The following MUC6 variants were observed in gnomAD, a reference collection of about 807,000 sequenced individuals.
MUC6 encodes the protein mucin-6.
Under a neutral mutation model 201.5 loss-of-function variants are expected in MUC6, and 188 were observed. The observed-to-expected ratio is 0.93, with a 90% CI of 0.83 to 1.05. MUC6 has a LOEUF of 1.05. Ranked by LOEUF, MUC6 falls within the 50% of genes least tolerant of loss-of-function variation. The pLI is 0.00. For missense variants in MUC6, 2,706 were observed against 3,256.9 expected (o/e 0.83, Z 4.12); for synonymous variants, 1,228 against 1,389.4 (o/e 0.88, Z 2.58).
intron 19 of MUC6, 55 bp from the exon 20 acceptor site, chr11:1,026,533 C>G: frequency 6.7e-7 from 1 of 1,494,790 alleles, no homozygotes; most frequent in Non-Finnish European, 8.9e-7. Flanking sequence ...CAGCTGCTGC[C>G]CAGCCCTGGG....
chr11:1,031,891 C>G lies in MUC6; in HGVS notation c.278G>C (p.Ser93Thr), dbSNP rs371239430. The change falls in exon 3 of 33, where the codon AGC (serine) becomes ACC (threonine). Residue 93 changes from serine (S) to threonine (T), a missense_variant. Physicochemically the swap from Ser to Thr is moderately conservative, Grantham distance 58. Coordinates refer to ENST00000421673, the MANE Select transcript of MUC6 (RefSeq NM_005961.3). ...CAGCTCCACGATGATCCGCGAGATG[C>G]TCCCGTCTGGGCCTCGCCGCAGCTG... ...SVQLRRGPDG[S>T]ISRIIVELGA... The G allele has an allele frequency of 7.4e-5, 119 of 1,613,024 alleles. 1 individual carries two copies. The highest frequency in any genetic ancestry group is 9.4e-5 in the Non-Finnish European group (111 of 1,179,898).
At position 1,023,598 on chromosome 11, in the gene MUC6, T is replaced by C; in HGVS notation, c.3437A>G (p.Gln1146Arg). 3 of 1,613,192 alleles carry C rather than the reference T, an allele frequency of 1.9e-6. No individual in the cohort carries two copies. The South Asian group carries it at 3.3e-5, about 18-fold the overall frequency. ...THTQDGHGEYQYTQEANCTWH... is the reference protein window; with the variant it reads ...THTQDGHGEYRYTQEANCTWH... ...CGTGCAGTTGGCCTCCTGTGTGTAC[T>C]GGTACTCGCCATGGCCGTCCTGCGT... is the stretch of plus-strand genomic sequence containing the variant. The change falls in exon 26 of 33, where the codon CAG (glutamine) becomes CGG (arginine). Residue 1146 changes from glutamine (Q) to arginine (R), a missense_variant. Coordinates refer to ENST00000421673, the MANE Select transcript of MUC6 (RefSeq NM_005961.3).
chr11:1,027,612 G>T, intron 16 of MUC6, 73 bp downstream of exon 16: 1 of 1,584,376 alleles, frequency 6.3e-7, no homozygotes, highest in Non-Finnish European at 8.6e-7. Context: ...GAGCCTCAGA[G>T]CTTGGGGTCC....
Position 1,016,613 on chromosome 11 carries a change from G to T in MUC6, c.6188C>A (p.Pro2063Gln). The T allele has an allele frequency of 6.7e-7, 1 of 1,503,426 alleles. No individual in the cohort carries two copies. Among genetic ancestry groups the T allele is most frequent in the Non-Finnish European group, 8.9e-7 (1 of 1,128,624 alleles). The allele number at this position is 1,503,426 out of a possible 1,614,324, so 93.1% of individuals were successfully genotyped here. The change falls in exon 31 of 33, where the codon CCA (proline) becomes CAA (glutamine). Residue 2063 changes from proline to glutamine, a missense_variant. Pro to Gln is a moderately conservative substitution (Grantham distance 76). Coordinates refer to ENST00000421673, the MANE Select transcript of MUC6 (RefSeq NM_005961.3). ...GGTCCCACTGGTGGTCACTGTCATT[G>T]GTGGGGCTGTGTGGGTGGACCCTGT... ...KATGSTHTAP[P>Q]MTVTTSGTSQ... is the part of the protein sequence containing the mutation.
chr11:1,015,801 G>A lies in MUC6; in HGVS notation c.7000C>T (p.Pro2334Ser), dbSNP rs761741830. The stretch of plus-strand genomic sequence containing the variant: ...GTAGGTGTCCCGAGAGAAGATACCG[G>A]GGCAGAAGCAGGGGTGCTTCCATGG... Reference protein sequence around the residue: ...TAHGSTPASAPVSSLGTPTPT... With the variant: ...TAHGSTPASASVSSLGTPTPT... The change falls in exon 31 of 33, where the codon CCG becomes TCG. Residue 2334 changes from proline to serine, a missense_variant. This residue lies in a region of MUC6 where 586 missense variants were observed against 488.0 expected (regional missense o/e 1.20). Coordinates refer to ENST00000421673, the MANE Select transcript of MUC6 (RefSeq NM_005961.3). 1 of 1,556,476 alleles carries A rather than the reference G, an allele frequency of 6.4e-7. No homozygotes were observed. Among genetic ancestry groups the A allele is most frequent in the East Asian group, 2.3e-5 (1 of 44,326 alleles).
chr11:1,021,103 C>G (rs1022442929), intron 27 of MUC6, 112 bp downstream of exon 27: 4 of 1,086,008 alleles, frequency 3.7e-6, no homozygotes, highest in South Asian at 1.8e-5. Context: ...CCAGAGCTCA[C>G]GTAAGGGCTC....
intron 8 of MUC6, 106 bp from the exon 9 acceptor site, chr11:1,029,721 C>CCCCCTCCAGCCTGGCTCCAGGGAGACG (rs1564843733): frequency 5.7e-6 from 8 of 1,401,888 alleles, no homozygotes; most frequent in South Asian, 3.0e-5. Context: ...CAGGGAGACG[C>CCCCCTCCAGCCTGGCTCCAGGGAGACG]CCCCTCCAGC....
Position 1,023,542 on chromosome 11 carries a change from G to C in MUC6, c.3493C>G (p.Gln1165Glu). The C allele has an allele frequency of 6.2e-7, 1 of 1,603,090 alleles. No homozygotes were observed. Among genetic ancestry groups the C allele is most frequent in the Non-Finnish European group, 8.5e-7 (1 of 1,175,366 alleles). The change falls in exon 26 of 33, where the codon CAG becomes GAG. Residue 1165 changes from glutamine to glutamate, a missense_variant. Gln to Glu is a conservative substitution (Grantham distance 29). Coordinates refer to ENST00000421673, the MANE Select transcript of MUC6 (RefSeq NM_005961.3). ...TTGCTGCCTGGGACGCTCTGTGGCT[G>C]GCTGGGGCAGAGGCAGGGCTGGTAG... ...WHYQPCLCPS[Q>E]PQSVPGSNIE...
At position 1,025,327 on chromosome 11, in the gene MUC6, G is replaced by T; in HGVS notation, c.2840C>A (p.Thr947Asn). Residue 947 changes from threonine to asparagine, a missense_variant, in exon 23 of 33, where the codon ACC becomes AAC. Thr to Asn is a moderately conservative substitution (Grantham distance 65, BLOSUM62 0). Transcript: ENST00000421673. ...GAGCTGCACGTGGGGCTCCTCCCCG[G>T]TGACCGTGTAGTTTCTGTCCGCCAG... The part of the protein sequence containing the change: ...VVLADRNYTV[T>N]GEEPHVQLGV... 1 of 1,612,146 alleles carries T rather than the reference G, an allele frequency of 6.2e-7. No homozygotes were observed. Among genetic ancestry groups the T allele is most frequent in the Non-Finnish European group, 8.5e-7 (1 of 1,179,482 alleles).
At chr11:1,020,884 C>G in intron 27 of MUC6, 150 bp from the exon 28 acceptor site, 1 of 1,065,290 alleles carries the variant, frequency 9.4e-7, no homozygotes, top group Non-Finnish European at 1.4e-6. Flanking sequence ...TCCCCTCTCT[C>G]CCTTTCTCCT....
At position 1,013,554 on chromosome 11, in the gene MUC6, G is replaced by A. The variant is rs531977847; in HGVS notation, c.7222C>T (p.Leu2408=). 2.9e-5 allele frequency: 45 copies of A among 1,574,344 alleles called. No individual in the cohort carries two copies. In the Admixed American group the frequency reaches 3.3e-4, roughly 12 times the overall value. Residue 2408 remains leucine, a synonymous_variant, in exon 33 of 33, where the codon CTG becomes TTG. Transcript: ENST00000421673. ...PLHSYEQQLE[L]PCPDPSTPGR... ...GGCGTGCTGGGATCGGGGCAGGGCA[G>A]CTCCAGCTGCTGCTCATAGGAGTGG...
intron 1 of MUC6, among the ~76,000 whole-genome samples, chr11:1,034,806 G>A (rs1857180661): frequency 6.6e-6 from 1 of 152,080 alleles, no homozygotes; most frequent in African/African-American, 2.4e-5. Flanking sequence ...TCACTGCCCC[G>A]GGTGGGTGCC....
rs1170876630 is a variant in MUC6 at position 1,026,004 on chromosome 11, G to A, written c.2684C>T (p.Ala895Val). 1 of 1,587,518 alleles carries A rather than the reference G, an allele frequency of 6.3e-7. No homozygotes were observed. The highest frequency in any genetic ancestry group is 1.1e-5 in the South Asian group (1 of 87,538). ...VFDGNCEYIL[A>V]TDVCGVNDSQ... ...GGCCTGGCACCCGATGGTTACCGTG[G>A]CCAGGATGTACTCGCAGTTGCCGTC... Residue 895 changes from alanine to valine, a missense_variant, in exon 21 of 33, where the codon GCC (alanine) becomes GTC (valine). Physicochemically the swap from Ala to Val is moderately conservative, Grantham distance 64 (BLOSUM62 0). This residue lies in a region of MUC6 where 1,850 missense variants were observed against 1,958.3 expected (regional missense o/e 0.94). Coordinates refer to ENST00000421673, the MANE Select transcript of MUC6 (RefSeq NM_005961.3).
chr11:1,025,987 A>G lies in MUC6; in HGVS notation c.2688+13T>C, dbSNP rs12805673. 0.09 allele frequency: 142,126 copies of G among 1,586,672 alleles called. 8,821 individuals are homozygous for G. The highest frequency in any genetic ancestry group is 0.32 in the African/African-American group (23,778 of 74,336). ...GGGTCCCCGGCCCCTGCGGCCTGGC[A>G]CCCGATGGTTACCGTGGCCAGGATG... is the stretch of plus-strand genomic sequence containing the variant. On this transcript the variant is annotated intron_variant, in intron 21 of 32. Coordinates refer to ENST00000421673, the MANE Select transcript of MUC6 (RefSeq NM_005961.3).
chr11:1,032,276 G>T (rs562294069), intron 2 of MUC6, among the ~76,000 whole-genome samples: 1 of 152,160 alleles, frequency 6.6e-6, no homozygotes, highest in Admixed American at 6.5e-5. Context: ...GTGGGTACAC[G>T]TATGTGTGTT....
chr11:1,036,147 C>T (rs1432646359), intron 1 of MUC6, among the ~76,000 whole-genome samples: 3 of 152,028 alleles, frequency 2.0e-5, no homozygotes, highest in South Asian at 4.1e-4. Context: ...GGCAGCGTCC[C>T]CCACTTCTGT....
In MUC6 at chr11:1,033,024, G is replaced by T; in HGVS notation, c.104C>A (p.Ser35Tyr). 6.2e-7 allele frequency: 1 copy of T among 1,602,450 alleles called. No homozygotes were observed. Among genetic ancestry groups the T allele is most frequent in the Non-Finnish European group, 8.5e-7 (1 of 1,171,092 alleles). ...CGCTGTGTTCTTACCTGTCTGTGGA[G>T]AGTCCTTCAGCCTCTGGAGGCCTGG... ...TSPGLQRLKDSPQTAPDKGQC... is the reference protein window; with the variant it reads ...TSPGLQRLKDYPQTAPDKGQC... The change falls in exon 2 of 33, where the codon TCT becomes TAT. Residue 35 changes from serine (S) to tyrosine (Y), a missense_variant. Coordinates refer to ENST00000421673, the MANE Select transcript of MUC6 (RefSeq NM_005961.3). This position sits in a 1 kb window ranked among gnomAD's most constrained non-coding sequence, Gnocchi z 5.6.
At chr11:1,024,148 C>A in intron 24 of MUC6, 45 bp from the exon 25 acceptor site, 1 of 1,581,018 alleles carries the variant, frequency 6.3e-7, no homozygotes, top group Non-Finnish European at 8.6e-7. Flanking sequence ...CGGGGGATGG[C>A]GGGGCATCAG....
intron 31 of MUC6, among the ~76,000 whole-genome samples, chr11:1,014,500 C>G (rs879452051): frequency 6.6e-6 from 1 of 152,270 alleles, no homozygotes; most frequent in Admixed American, 6.5e-5. Context: ...GTCTGGGCTC[C>G]TGGAAGGGGC....
Sources: gnomAD v4.1 joint callset for allele counts (sites outside exome capture counted in the v4.1 genomes callset) on GRCh38, gnomAD v4.1.1 for gene constraint, gnomAD v4.1.1 regional missense constraint, Gnocchi (gnomAD v3.1) non-coding constraint, MANE v1.5 for transcripts, NCBI Gene and HGNC (gene_info 2026-07-23, HGNC 2026-07-21) for gene names.